The following LIMK2 variants were observed in gnomAD, a reference collection of about 807,000 sequenced individuals.
LIMK2 encodes LIM domain kinase 2.
Under a neutral mutation model 75.7 loss-of-function variants are expected in LIMK2, and 35 were observed. That is an observed-to-expected ratio of 0.46 (90% confidence interval 0.35 to 0.61). The LOEUF is 0.61. Among genes scored for constraint, LIMK2 ranks in the 20% least tolerant of loss-of-function variants. The probability of loss-of-function intolerance (pLI) is 0.00; values close to 1 mark genes in which losing one functional copy is unlikely to be tolerated. For synonymous variants in LIMK2, 301 were observed against 319.2 expected (o/e 0.94, Z 0.61); for missense variants, 623 against 831.0 (o/e 0.75, Z 3.08).
intron 5 of LIMK2, among the ~76,000 whole-genome samples, chr22:31,260,325 T>C (rs1243652442): frequency 6.6e-6 from 1 of 152,254 alleles, no homozygotes; most frequent in East Asian, 1.9e-4. Context: ...TTTCAGGTCA[T>C]GTTTGCTCTT....
chr22:31,268,821 G>T (rs2048923926), intron 11 of LIMK2, among the ~76,000 whole-genome samples: 1 of 152,194 alleles, frequency 6.6e-6, no homozygotes, highest in Admixed American at 6.5e-5. Flanking sequence ...AGATAAGCTG[G>T]ACTGGAAAGG....
At position 31,262,866 on chromosome 22, in the gene LIMK2, C is replaced by T; in HGVS notation, c.854+75C>T. 1 of 1,330,774 alleles carries T rather than the reference C, an allele frequency of 7.5e-7. No homozygotes were observed. The highest frequency in any genetic ancestry group is 1.0e-6 in the Non-Finnish European group (1 of 988,050). The allele number at this position is 1,330,774 out of a possible 1,614,324, so 82.4% of individuals were successfully genotyped here. ...TGAAGCTGAGCTGGCTTTCAGAAGC[C>T]TGCAGAGTTAGGAAAGGAACCAGCT... On this transcript the variant is annotated intron_variant, in intron 7 of 15. Transcript: ENST00000331728. The surrounding 1 kb of genome is among the most constrained non-coding windows in gnomAD (Gnocchi z 5.0).
intron 2 of LIMK2, among the ~76,000 whole-genome samples, chr22:31,235,045 T>A (rs915788254): frequency 9.9e-5 from 15 of 152,174 alleles, no homozygotes; most frequent in Admixed American, 2.0e-4. Context: ...AGGCTTTTTT[T>A]AAAAAAGTAG....
chr22:31,231,498 CAG>C (rs1040075300), intron 2 of LIMK2, among the ~76,000 whole-genome samples: 1 of 152,196 alleles, frequency 6.6e-6, no homozygotes, highest in Non-Finnish European at 1.5e-5. Flanking sequence ...GGCTATTGGA[CAG>C]GGGGCTGGGG....
chr22:31,277,361 C>G, intron 15 of LIMK2: 1 of 1,379,810 alleles, frequency 7.2e-7, no homozygotes, highest in South Asian at 1.7e-5. Flanking sequence ...TTTATATTGA[C>G]TCTGCGGCAC....
At chr22:31,221,436 T>C (rs986013683) in intron 1 of LIMK2, among the ~76,000 whole-genome samples, 2 of 152,118 alleles carry the variant, frequency 1.3e-5, no homozygotes. Flanking sequence ...TTCCTAGTTA[T>C]GAACTTGATA....
chr22:31,242,783 A>G (rs2048633671), intron 2 of LIMK2, among the ~76,000 whole-genome samples: 1 of 152,228 alleles, frequency 6.6e-6, no homozygotes, highest in South Asian at 2.1e-4. Flanking sequence ...ATGACATCAC[A>G]TTACAGGAGT....
intron 4 of LIMK2, 45 bp from the exon 5 acceptor site, chr22:31,259,844 G>A (rs747913094): frequency 2.6e-6 from 4 of 1,553,848 alleles, no homozygotes; most frequent in Admixed American, 2.1e-5. Flanking sequence ...GGGGGCTTCT[G>A]TGTGGGACTC....
At chr22:31,228,819 T>C (rs2048500513) in intron 2 of LIMK2, among the ~76,000 whole-genome samples, 1 of 152,098 alleles carries the variant, frequency 6.6e-6, no homozygotes, top group Non-Finnish European at 1.5e-5. Context: ...GGCACACACC[T>C]GTAGTCCCAG....
chr22:31,230,911 T>C (rs1234621360), intron 2 of LIMK2, among the ~76,000 whole-genome samples: 3 of 152,228 alleles, frequency 2.0e-5, no homozygotes, highest in Admixed American at 6.5e-5. Flanking sequence ...GTACCACTTA[T>C]TGAGTACTCT....
At chr22:31,257,680 CTG>C (rs2048798018) in intron 2 of LIMK2, among the ~76,000 whole-genome samples, 1 of 152,094 alleles carries the variant, frequency 6.6e-6, no homozygotes, top group African/African-American at 2.4e-5. Context: ...TTTTTAAAAT[CTG>C]TGCCTTTTCT....
At chr22:31,275,907 A>G (rs527834985) in intron 15 of LIMK2, among the ~76,000 whole-genome samples, 1 of 152,296 alleles carries the variant, frequency 6.6e-6, no homozygotes, top group South Asian at 2.1e-4. Context: ...ATTATTACCA[A>G]AGTTACCCTA....
At chr22:31,221,344 T>A (rs2048431718) in intron 1 of LIMK2, among the ~76,000 whole-genome samples, 1 of 148,566 alleles carries the variant, frequency 6.7e-6, no homozygotes, top group Non-Finnish European at 1.5e-5. Context: ...TCCCCCCTTT[T>A]TTGCCCCGTT....
chr22:31,235,252 C>T (rs1211337823), intron 2 of LIMK2, among the ~76,000 whole-genome samples: 1 of 152,024 alleles, frequency 6.6e-6, no homozygotes, highest in African/African-American at 2.4e-5. Context: ...AGGCTTTTCC[C>T]TGCCCTTCCC....
chr22:31,268,326 T>C (rs375596056), intron 11 of LIMK2, 126 bp downstream of exon 11: 5 of 796,982 alleles, frequency 6.3e-6, no homozygotes, highest in African/African-American at 1.7e-5. Flanking sequence ...CAGCTATTCA[T>C]TGAGTTTGTC....
intron 15 of LIMK2, 93 bp from the exon 16 acceptor site, chr22:31,278,204 C>A: frequency 8.6e-7 from 1 of 1,158,592 alleles, no homozygotes; most frequent in Non-Finnish European, 1.2e-6. Context: ...TGACGTTATA[C>A]AACCAGGAAG....
At chr22:31,256,472 C>T (rs1052436635) in intron 2 of LIMK2, among the ~76,000 whole-genome samples, 1 of 151,542 alleles carries the variant, frequency 6.6e-6, no homozygotes, top group Non-Finnish European at 1.5e-5. Flanking sequence ...TCCCGAGTAG[C>T]TGGGATTATA....
chr22:31,257,735 A>G lies in LIMK2; in HGVS notation c.117-556A>G, dbSNP rs377498396. Among the ~76,000 whole-genome samples the G allele has an allele frequency of 3.5e-4, 54 of 152,230 alleles. No homozygotes were observed. The South Asian group carries it at 0.011, about 30-fold the overall frequency. On this transcript the variant is annotated intron_variant, in intron 2 of 15. Transcript: ENST00000331728. The stretch of plus-strand genomic sequence containing the variant: ...AGAAGAGTCAAGACCGGTTATTCTT[A>G]TAGAATAACCCACATTCTAGATTTG...
At chr22:31,265,564 T>C (rs113027190) in intron 7 of LIMK2, among the ~76,000 whole-genome samples, 137 of 152,216 alleles carry the variant, frequency 9.0e-4, no homozygotes, top group Admixed American at 2.0e-3. Context: ...ATTTGCTCAT[T>C]TTTTGGATAC....
Sources: allele counts gnomAD v4.1 joint callset (sites outside exome capture counted in the v4.1 genomes callset), GRCh38; gene constraint gnomAD v4.1.1; non-coding constraint Gnocchi (gnomAD v3.1); transcripts MANE v1.5; gene names NCBI Gene and HGNC (gene_info 2026-07-23, HGNC 2026-07-21).